MID1: variants seen among roughly 807,000 people sequenced by gnomAD.
MID1 encodes the protein midline 1, also known as E3 ubiquitin-protein ligase Midline-1.
In MID1, 7 loss-of-function variants were observed where a neutral mutation model predicts 40.4. The observed-to-expected ratio is 0.17, with a 90% confidence interval of 0.10 to 0.33. The LOEUF is 0.33. MID1 is among the 10% of genes least tolerant of loss of function. The probability of loss-of-function intolerance (pLI) is 1.00; values close to 1 mark genes in which losing one functional copy is unlikely to be tolerated. For synonymous variants in MID1, 229 were observed against 221.2 expected, an observed-to-expected ratio of 1.04 and a Z score of -0.31; for missense variants, 367 against 558.5, an observed-to-expected ratio of 0.66 and a Z score of 3.46.
chrX:10,548,170 G>A (rs1418430959), intron 2 of MID1, among the ~76,000 whole-genome samples: 1 of 111,446 alleles, frequency 9.0e-6, no homozygotes, highest in African/African-American at 3.3e-5. Context: ...TATTTATGTG[G>A]CCAAATTGAT....
chrX:10,610,710 G>A (rs1215721067), intron 1 of MID1, among the ~76,000 whole-genome samples: 1 of 111,614 alleles, frequency 9.0e-6, no homozygotes, highest in Non-Finnish European at 1.9e-5. Context: ...TGGGAATGAC[G>A]ATGTTTACAT....
chrX:10,669,195 C>T (rs186826021), intron 1 of MID1, among the ~76,000 whole-genome samples: 54 of 95,720 alleles, frequency 5.6e-4, no homozygotes, highest in Non-Finnish European at 9.8e-4. Flanking sequence ...GTCCGCAGTC[C>T]GGCCTGGGCG....
At chrX:10,750,391 G>A (rs768342648) in intron 1 of MID1, among the ~76,000 whole-genome samples, 76 of 111,373 alleles carry the variant, frequency 6.8e-4, no homozygotes, top group African/African-American at 2.4e-3. Flanking sequence ...CAGCCCTCTC[G>A]GAGGCTGAGG....
At chrX:10,618,486 C>A (rs780518097) in intron 1 of MID1, among the ~76,000 whole-genome samples, 1 of 111,915 alleles carries the variant, frequency 8.9e-6, no homozygotes, top group Non-Finnish European at 1.9e-5. Context: ...CTCTCTCCTT[C>A]ATCTCCTCCC....
At chrX:10,590,393 G>C (rs1179444105) in intron 1 of MID1, among the ~76,000 whole-genome samples, 2 of 111,712 alleles carry the variant, frequency 1.8e-5, no homozygotes, top group East Asian at 2.8e-4. Flanking sequence ...CAAGAGAAGA[G>C]CTTGGGAAGT....
At chrX:10,456,354 T>C (rs1044750574) in intron 8 of MID1, among the ~76,000 whole-genome samples, 1 of 112,310 alleles carries the variant, frequency 8.9e-6, no homozygotes, top group African/African-American at 3.2e-5. Flanking sequence ...GGCCAGGCCA[T>C]GTGGTCTCTT....
intron 3 of MID1, among the ~76,000 whole-genome samples, chrX:10,514,651 T>C (rs1932313573): frequency 8.9e-6 from 1 of 112,364 alleles, no homozygotes; most frequent in Non-Finnish European, 1.9e-5. Context: ...TCAAATGCAA[T>C]AGTAAAAACA....
At chrX:10,806,597 A>T (rs2044050409) in intron 1 of MID1, among the ~76,000 whole-genome samples, 1 of 112,253 alleles carries the variant, frequency 8.9e-6, no homozygotes, top group Non-Finnish European at 1.9e-5. Context: ...ATGTTACTAT[A>T]TTTTAAATTT....
At chrX:10,657,701 T>G (rs185807970) in intron 1 of MID1, among the ~76,000 whole-genome samples, 2 of 112,410 alleles carry the variant, frequency 1.8e-5, no homozygotes, top group African/African-American at 6.5e-5. Flanking sequence ...TTAAACATTA[T>G]TTTACAGATT....
chrX:10,606,004 T>A (rs922055335), intron 1 of MID1, among the ~76,000 whole-genome samples: 1 of 111,845 alleles, frequency 8.9e-6, no homozygotes, highest in African/African-American at 3.2e-5. Flanking sequence ...TGGCGTATTT[T>A]ACTGTCAGAG....
intron 7 of MID1, chrX:10,469,428 TTGTTTCTCTCTATA>T: frequency 1.9e-6 from 2 of 1,079,909 alleles, no homozygotes; most frequent in Non-Finnish European, 1.2e-6. Context: ...CTCTATATAT[TTGTTTCTCTCTATA>T]TATTTGTTTC....
At chrX:10,710,053 G>T (rs760778127) in intron 1 of MID1, among the ~76,000 whole-genome samples, 2 of 111,826 alleles carry the variant, frequency 1.8e-5, no homozygotes, top group Non-Finnish European at 3.8e-5. Context: ...GGAAGATTAT[G>T]TGTCTGGGGT....
chrX:10,779,223 T>C (rs1398799690), intron 1 of MID1, among the ~76,000 whole-genome samples: 1 of 112,634 alleles, frequency 8.9e-6, no homozygotes, highest in Non-Finnish European at 1.9e-5. Flanking sequence ...TCTCACTCTG[T>C]CACCCAGGCT....
chrX:10,469,931 C>T lies in MID1; in HGVS notation c.1142-91G>A, dbSNP rs1929606133. ...ATGTTTGACAGTTAAGCAGGTCCTTCTCAATAGGTCCATCAGGACTACTAT... is the reference window on the plus strand; with the variant it reads ...ATGTTTGACAGTTAAGCAGGTCCTTTTCAATAGGTCCATCAGGACTACTAT... On this transcript the variant is annotated intron_variant, in intron 6 of 9. Coordinates refer to ENST00000317552, the MANE Select transcript of MID1 (RefSeq NM_000381.4). The T allele has an allele frequency of 4.7e-6, 4 of 844,437 alleles. No homozygotes were observed. In the Admixed American group the frequency reaches 9.2e-5, roughly 19 times the overall value. The allele number at this position is 844,437 out of a possible 1,213,427, so 69.6% of individuals were successfully genotyped here.
chrX:10,796,915 C>T (rs951291896), intron 1 of MID1, among the ~76,000 whole-genome samples: 6 of 111,220 alleles, frequency 5.4e-5, no homozygotes, highest in African/African-American at 2.0e-4. Context: ...CTAAATGCTT[C>T]CAAATAACTT....
chrX:10,799,822 A>ACAGGTACTTTTCCTATATACTTACAACT (rs2043993528), intron 1 of MID1, among the ~76,000 whole-genome samples: 3 of 112,117 alleles, frequency 2.7e-5, no homozygotes, highest in African/African-American at 9.7e-5. Flanking sequence ...TTCCCAAAGA[A>ACAGGTACTTTTCCTATATACTTACAACT]GAAATTTCCC....
At chrX:10,623,468 T>C (rs1244198551), upstream of MID1, among the ~76,000 whole-genome samples, 1 of 111,574 alleles carries the variant, frequency 9.0e-6, no homozygotes, top group African/African-American at 3.3e-5. Flanking sequence ...TTTTGAAAGC[T>C]CTTCTTCAAA....
intron 1 of MID1, among the ~76,000 whole-genome samples, chrX:10,651,689 G>T (rs1468838194): frequency 8.9e-6 from 1 of 112,397 alleles, no homozygotes; most frequent in East Asian, 2.8e-4. Flanking sequence ...GCATTGGCAC[G>T]ATAATGGCTC....
At chrX:10,602,132 C>T (rs1295613084) in intron 1 of MID1, among the ~76,000 whole-genome samples, 1 of 106,834 alleles carries the variant, frequency 9.4e-6, no homozygotes, top group Non-Finnish European at 1.9e-5. Context: ...CTCCTAACCT[C>T]GTGATCCACC....
Sources: allele counts gnomAD v4.1 joint callset (sites outside exome capture counted in the v4.1 genomes callset), GRCh38; gene constraint gnomAD v4.1.1; transcripts MANE v1.5; gene names NCBI Gene and HGNC (gene_info 2026-07-23, HGNC 2026-07-21).